THSD4: variants seen among roughly 807,000 people sequenced by gnomAD.
THSD4 encodes thrombospondin type-1 domain-containing protein 4.
A neutral mutation model predicts 119.0 loss-of-function variants in THSD4; 69 were observed. The ratio of observed to expected loss-of-function variants is 0.58; its 90% CI spans 0.48 to 0.71. The LOEUF (loss-of-function observed/expected upper bound fraction) is 0.71, where lower values mean the gene tolerates loss of function less well. Among genes scored for constraint, THSD4 ranks in the 30% least tolerant of loss-of-function variants. THSD4 has a pLI of 0.00. For synonymous variants in THSD4, 524 were observed against 540.4 expected (o/e 0.97, Z 0.42); for missense variants, 1,393 against 1,391.1 (o/e 1.00, Z -0.02).
chr15:71,480,410 C>T (rs375950676), intron 7 of THSD4, among the ~76,000 whole-genome samples: 11 of 152,092 alleles, frequency 7.2e-5, no homozygotes, highest in African/African-American at 1.7e-4. Flanking sequence ...ATAATAATGA[C>T]GGTTTAATAC....
chr15:71,371,479 G>A (rs574320400), intron 6 of THSD4, among the ~76,000 whole-genome samples: 28 of 152,232 alleles, frequency 1.8e-4, no homozygotes, highest in Admixed American at 5.2e-4. Flanking sequence ...GCCTGGTGGT[G>A]ACAAAATCTC....
intron 3 of THSD4, chr15:71,164,714 G>A (rs1187488413): frequency 2.6e-6 from 4 of 1,554,686 alleles, no homozygotes; most frequent in East Asian, 2.2e-5. Context: ...AGTGAGTTGT[G>A]TACAGGGGGG....
chr15:71,159,838 G>A (rs1211746794), intron 3 of THSD4, among the ~76,000 whole-genome samples: 1 of 151,972 alleles, frequency 6.6e-6, no homozygotes, highest in East Asian at 1.9e-4. Context: ...TGGTGAAAGT[G>A]GGCATCCTTA....
chr15:71,554,085 G>T (rs1595880767), intron 7 of THSD4, among the ~76,000 whole-genome samples: 1 of 71,756 alleles, frequency 1.4e-5, no homozygotes. Flanking sequence ...TTTGTTTTTT[G>T]TTTGGTTTGG....
At chr15:71,335,896 C>T (rs1470851433) in intron 6 of THSD4, among the ~76,000 whole-genome samples, 2 of 152,166 alleles carry the variant, frequency 1.3e-5, no homozygotes, top group Non-Finnish European at 2.9e-5. Flanking sequence ...GATTATTTCA[C>T]ACTTGAGGTC....
At chr15:71,449,651 G>T (rs1336134535) in intron 7 of THSD4, among the ~76,000 whole-genome samples, 1 of 79,670 alleles carries the variant, frequency 1.3e-5, no homozygotes, top group Non-Finnish European at 3.1e-5. Context: ...GATGATAATC[G>T]GTTGTCCCCA....
intron 6 of THSD4, among the ~76,000 whole-genome samples, chr15:71,363,519 C>T (rs1323251071): frequency 6.6e-6 from 1 of 152,148 alleles, no homozygotes; most frequent in African/African-American, 2.4e-5. Context: ...AATAGAGTAA[C>T]CCAGGCTGAT....
intron 7 of THSD4, among the ~76,000 whole-genome samples, chr15:71,445,679 A>G (rs371613104): frequency 1.2e-4 from 19 of 152,346 alleles, no homozygotes; most frequent in East Asian, 9.7e-4. Context: ...ATTGTGATCT[A>G]AAGTAGACAG....
chr15:71,697,237 C>T (rs145944314), intron 8 of THSD4, among the ~76,000 whole-genome samples: 4 of 152,098 alleles, frequency 2.6e-5, no homozygotes, highest in East Asian at 3.9e-4. Context: ...AATCAGAAAA[C>T]GAGGCAGAGG....
At chr15:71,748,717 A>G (rs1415733996) in intron 14 of THSD4, 123 bp downstream of exon 14, 3 of 1,218,550 alleles carry the variant, frequency 2.5e-6, no homozygotes, top group Admixed American at 5.1e-5. Context: ...GGGAAAAAAA[A>G]GGCCCAGAGA....
intron 6 of THSD4, among the ~76,000 whole-genome samples, chr15:71,406,805 A>C (rs901625976): frequency 3.3e-5 from 5 of 151,778 alleles, no homozygotes; most frequent in Non-Finnish European, 4.4e-5. Context: ...TCAGCCTCCC[A>C]AGTAGCTGGG....
intron 8 of THSD4, among the ~76,000 whole-genome samples, chr15:71,688,707 CTGTGTGTG>C (rs55653630): frequency 2.4e-4 from 32 of 133,484 alleles, no homozygotes; most frequent in African/African-American, 6.4e-4. Flanking sequence ...TTTTGTATCT[CTGTGTGTG>C]TGTGTGTGTG....
chr15:71,675,320 C>T (rs1266861334), intron 8 of THSD4, among the ~76,000 whole-genome samples: 1 of 152,176 alleles, frequency 6.6e-6, no homozygotes, highest in East Asian at 1.9e-4. Context: ...TCTCATAGAA[C>T]TCTGATCATC....
chr15:71,219,553 A>T (rs2043958913), intron 4 of THSD4, among the ~76,000 whole-genome samples: 1 of 152,142 alleles, frequency 6.6e-6, no homozygotes, highest in Non-Finnish European at 1.5e-5. Flanking sequence ...AATGCTTCTG[A>T]TATACCCTAG....
rs557669865 is a variant in THSD4, at chr15:71,538,868, G to GT, written c.1153-121655dup. On this transcript the variant is annotated intron_variant, in intron 7 of 17. Transcript: ENST00000261862. ...GTAAGAGTTAGGATGGGCCTGTATGGTTTTTTTGAGCATCTCCCTGATTGT... is the reference window on the plus strand; with the variant it reads ...GTAAGAGTTAGGATGGGCCTGTATGGTTTTTTTTGAGCATCTCCCTGATTGT... Among the ~76,000 whole-genome samples, 76 of 152,304 alleles carry GT rather than the reference G, an allele frequency of 5.0e-4. 1 individual carries two copies. Among genetic ancestry groups the GT allele is most frequent in the African/African-American group, 1.8e-3 (74 of 41,564 alleles).
intron 7 of THSD4, among the ~76,000 whole-genome samples, chr15:71,462,304 C>T (rs976043476): frequency 1.3e-5 from 2 of 152,086 alleles, no homozygotes; most frequent in African/African-American, 4.8e-5. Flanking sequence ...AGATTACAAG[C>T]AAGCACCAGC....
intron 8 of THSD4, among the ~76,000 whole-genome samples, chr15:71,695,496 G>A (rs891439007): frequency 1.6e-4 from 23 of 143,072 alleles, no homozygotes; most frequent in African/African-American, 6.5e-4. Flanking sequence ...ATATTTGTGT[G>A]TGTGCATGTG....
chr15:71,414,454 C>T (rs532474861), intron 7 of THSD4, among the ~76,000 whole-genome samples: 5 of 152,304 alleles, frequency 3.3e-5, no homozygotes, highest in South Asian at 2.1e-4. Context: ...CCTGGGAATC[C>T]GCTTTTCTAA....
chr15:71,613,105 G>A (rs1297555145), intron 7 of THSD4, among the ~76,000 whole-genome samples: 1 of 152,172 alleles, frequency 6.6e-6, no homozygotes, highest in Non-Finnish European at 1.5e-5. Context: ...CTAGTCAAGG[G>A]TGTAGTATTT....
Sources: allele counts gnomAD v4.1 joint callset (sites outside exome capture counted in the v4.1 genomes callset), GRCh38; gene constraint gnomAD v4.1.1; transcripts MANE v1.5; gene names NCBI Gene and HGNC (gene_info 2026-07-23, HGNC 2026-07-21).